MTFR1: variants seen among roughly 807,000 people sequenced by gnomAD.
MTFR1 encodes the protein chondrocyte protein with a poly-proline region.
A neutral mutation model predicts 38.8 loss-of-function variants in MTFR1; 28 were observed. The observed-to-expected ratio is 0.72, with a 90% CI of 0.53 to 0.99. The LOEUF (loss-of-function observed/expected upper bound fraction) is 0.99. MTFR1 is among the 50% of genes least tolerant of loss of function. The pLI is 0.00. For missense variants in MTFR1, 358 were observed against 395.5 expected (o/e 0.91, Z 0.81); for synonymous variants, 145 against 137.0 (o/e 1.06, Z -0.41).
At chr8:65,649,936 T>TCAAGCGATTCTCCTGCCTC (rs1809073614) in intron 1 of MTFR1, among the ~76,000 whole-genome samples, 1 of 152,042 alleles carries the variant, frequency 6.6e-6, no homozygotes, top group Admixed American at 6.6e-5. Flanking sequence ...CCTCCTGGGT[T>TCAAGCGATTCTCCTGCCTC]CAAGCGATTC....
chr8:65,677,361 C>T (rs1310708461), intron 2 of MTFR1, among the ~76,000 whole-genome samples: 5 of 149,300 alleles, frequency 3.3e-5, no homozygotes, highest in Non-Finnish European at 7.4e-5. Context: ...TGAACCACTG[C>T]GCCTGGCCCT....
At chr8:65,761,025 A>G (rs1240986995) in intron 3 of MTFR1, among the ~76,000 whole-genome samples, 1 of 151,986 alleles carries the variant, frequency 6.6e-6, no homozygotes, top group South Asian at 2.1e-4. Context: ...CTCTGGCTGT[A>G]TTACACAATA....
At chr8:65,684,963 C>T (rs1019313064) in intron 3 of MTFR1, among the ~76,000 whole-genome samples, 3 of 152,042 alleles carry the variant, frequency 2.0e-5, no homozygotes, top group African/African-American at 7.2e-5. Flanking sequence ...GAGATCGTGC[C>T]AATGCACTCC....
At chr8:65,655,491 A>G (rs1360063732) in intron 1 of MTFR1, among the ~76,000 whole-genome samples, 1 of 152,210 alleles carries the variant, frequency 6.6e-6, no homozygotes, top group Admixed American at 6.5e-5. Flanking sequence ...TGCATGAGCC[A>G]TATGGAATAT....
chr8:65,673,655 G>A (rs1804629143), intron 2 of MTFR1, among the ~76,000 whole-genome samples: 1 of 151,462 alleles, frequency 6.6e-6, no homozygotes. Context: ...TGTAATCCCA[G>A]CACTTTGGGA....
chr8:65,646,742 A>G (rs1483616053), intron 1 of MTFR1, among the ~76,000 whole-genome samples: 1 of 151,398 alleles, frequency 6.6e-6, no homozygotes, highest in East Asian at 1.9e-4. Context: ...CCAGTTAGAG[A>G]GAAAAGGAAA....
intron 3 of MTFR1, chr8:65,727,152 T>C: frequency 2.9e-6 from 4 of 1,365,684 alleles, no homozygotes; most frequent in Non-Finnish European, 4.2e-6. Flanking sequence ...TAAATCTTGA[T>C]GATAAAATTG....
At chr8:65,755,841 T>C (rs1437402611) in intron 3 of MTFR1, among the ~76,000 whole-genome samples, 1 of 152,210 alleles carries the variant, frequency 6.6e-6, no homozygotes. Context: ...TAGGCTGGCC[T>C]TGAACTCCTG....
At chr8:65,722,616 C>G (rs767865808) in intron 3 of MTFR1, 1 of 152,236 alleles carries the variant, frequency 6.6e-6, no homozygotes, top group Non-Finnish European at 1.5e-5. Context: ...CCTTTATACC[C>G]AAAGCCCAAC....
At chr8:65,772,500 C>A (rs910539701), downstream of MTFR1, among the ~76,000 whole-genome samples, 1 of 152,052 alleles carries the variant, frequency 6.6e-6, no homozygotes, top group Non-Finnish European at 1.5e-5. Context: ...ATTCCTAATC[C>A]AAGGAACTTC....
At chr8:65,720,675 T>C (rs1806336593) in intron 3 of MTFR1, 1 of 152,292 alleles carries the variant, frequency 6.6e-6, no homozygotes, top group Non-Finnish European at 1.5e-5. Flanking sequence ...CCCGGCACTA[T>C]GCCACGGTGG....
intron 3 of MTFR1, among the ~76,000 whole-genome samples, chr8:65,749,687 C>T (rs1356033787): frequency 6.6e-6 from 1 of 152,206 alleles, no homozygotes; most frequent in Non-Finnish European, 1.5e-5. Context: ...CCACTTTACA[C>T]ATGAGAACAC....
intron 1 of MTFR1, among the ~76,000 whole-genome samples, chr8:65,648,753 T>C (rs1480717221): frequency 1.3e-5 from 2 of 152,176 alleles, no homozygotes; most frequent in East Asian, 3.8e-4. Context: ...GTTTCCATGA[T>C]TGAAAAAACA....
At chr8:65,689,012 G>T (rs1402764538) in intron 3 of MTFR1, among the ~76,000 whole-genome samples, 1 of 152,010 alleles carries the variant, frequency 6.6e-6, no homozygotes, top group African/African-American at 2.4e-5. Context: ...AGGCATGGTG[G>T]TGGGTGCCTG....
intron 3 of MTFR1, among the ~76,000 whole-genome samples, chr8:65,684,257 A>G (rs1453103134): frequency 6.6e-6 from 1 of 152,188 alleles, no homozygotes; most frequent in Non-Finnish European, 1.5e-5. Flanking sequence ...TTTTAACTGC[A>G]TTTGAAAAAA....
intron 2 of MTFR1, among the ~76,000 whole-genome samples, chr8:65,680,260 C>CT (rs1804838041): frequency 6.6e-6 from 1 of 151,958 alleles, no homozygotes. Context: ...AACTCCTGGG[C>CT]TCAAGGGACC....
chr8:65,726,866 C>A (rs765741652), intron 3 of MTFR1: 2 of 1,495,914 alleles, frequency 1.3e-6, no homozygotes, highest in African/African-American at 1.4e-5. Context: ...TTGTCTTAAT[C>A]CAACCTACCT....
chr8:65,773,002 T>C (rs111513969), downstream of MTFR1, among the ~76,000 whole-genome samples: 91 of 152,002 alleles, frequency 6.0e-4, no homozygotes, highest in African/African-American at 1.9e-3. Context: ...ATTGAGACTC[T>C]GTCTCAAAAA....
intron 3 of MTFR1, among the ~76,000 whole-genome samples, chr8:65,759,257 A>G (rs1808379973): frequency 6.6e-6 from 1 of 152,166 alleles, no homozygotes; most frequent in African/African-American, 2.4e-5. Context: ...TCTGGCTCCA[A>G]AATGGGGGTG....
Sources: allele counts gnomAD v4.1 joint callset (sites outside exome capture counted in the v4.1 genomes callset), GRCh38; gene constraint gnomAD v4.1.1; transcripts MANE v1.5; gene names NCBI Gene and HGNC (gene_info 2026-07-23, HGNC 2026-07-21).